Variants in CDH13 observed in about 807,000 individuals in gnomAD.
CDH13 encodes cadherin-13.
A neutral mutation model predicts 63.8 loss-of-function variants in CDH13; 24 were observed. The ratio of observed to expected loss-of-function variants is 0.38; its 90% CI spans 0.27 to 0.53. The LOEUF (loss-of-function observed/expected upper bound fraction) is 0.53, where lower values mean the gene tolerates loss of function less well. CDH13 is among the 20% of genes least tolerant of loss of function. The pLI, the probability that CDH13 is intolerant of heterozygous loss-of-function variation, is 0.85. For synonymous variants in CDH13, 503 were observed against 355.3 expected, an observed-to-expected ratio of 1.42 and a Z score of -4.67; for missense variants, 1,049 against 903.1, an observed-to-expected ratio of 1.16 and a Z score of -2.07.
At chr16:83,612,626 G>C (rs1303003453) in intron 8 of CDH13, among the ~76,000 whole-genome samples, 2 of 151,594 alleles carry the variant, frequency 1.3e-5, no homozygotes, top group Non-Finnish European at 2.9e-5. Context: ...ACATTTACTT[G>C]GGTTTTTTTA....
At chr16:83,586,053 A>T (rs191694625) in intron 7 of CDH13, among the ~76,000 whole-genome samples, 2 of 152,330 alleles carry the variant, frequency 1.3e-5, no homozygotes, top group African/African-American at 4.8e-5. Flanking sequence ...AAGGTAACCC[A>T]CCTAAAGGGT....
At chr16:83,348,888 A>G (rs777882818) in intron 6 of CDH13, among the ~76,000 whole-genome samples, 16 of 152,206 alleles carry the variant, frequency 1.1e-4, no homozygotes, top group Non-Finnish European at 1.8e-4. Context: ...TATTATTTTT[A>G]TTCTGGAAGA....
intron 2 of CDH13, among the ~76,000 whole-genome samples, chr16:83,031,388 GTATATACA>G (rs1430247757): frequency 2.2e-5 from 2 of 91,540 alleles, no homozygotes; most frequent in African/African-American, 1.0e-4. Flanking sequence ...ACACGTATAT[GTATATACA>G]TATACATGTA....
At chr16:82,956,573 C>T (rs1366815616) in intron 2 of CDH13, among the ~76,000 whole-genome samples, 1 of 152,104 alleles carries the variant, frequency 6.6e-6, no homozygotes, top group African/African-American at 2.4e-5. Flanking sequence ...CTTGGATCAT[C>T]ATTACCCCCG....
At chr16:83,716,463 C>G (rs576179206) in intron 10 of CDH13, among the ~76,000 whole-genome samples, 49 of 152,246 alleles carry the variant, frequency 3.2e-4, no homozygotes, top group African/African-American at 1.2e-3. Context: ...TCATTAATCC[C>G]CACTCTGCTG....
chr16:82,648,084 G>A (rs1035269385), intron 1 of CDH13, among the ~76,000 whole-genome samples: 1 of 152,158 alleles, frequency 6.6e-6, no homozygotes, highest in Non-Finnish European at 1.5e-5. Flanking sequence ...CACTGTGATT[G>A]TGAGGCCTCC....
At chr16:83,516,698 C>T (rs1056529632) in intron 7 of CDH13, among the ~76,000 whole-genome samples, 57 of 152,286 alleles carry the variant, frequency 3.7e-4, no homozygotes, top group African/African-American at 1.3e-3. Flanking sequence ...CTTCCAGGCA[C>T]AGTATTTAAA....
intron 3 of CDH13, among the ~76,000 whole-genome samples, chr16:83,122,386 A>T (rs2035621502): frequency 6.6e-6 from 1 of 152,222 alleles, no homozygotes; most frequent in African/African-American, 2.4e-5. Context: ...TTTTATTTAA[A>T]ATGATACAAA....
chr16:82,821,175 C>T (rs533192827), intron 1 of CDH13, among the ~76,000 whole-genome samples: 17 of 152,310 alleles, frequency 1.1e-4, no homozygotes, highest in Middle Eastern at 3.4e-3. Flanking sequence ...CAGTTCTCAT[C>T]TGACATTTTC....
chr16:83,242,812 A>G (rs1213302693), intron 5 of CDH13, among the ~76,000 whole-genome samples: 2 of 152,184 alleles, frequency 1.3e-5, no homozygotes, highest in Non-Finnish European at 2.9e-5. Flanking sequence ...GGCAATGTCC[A>G]CCTTTGGAGA....
chr16:83,089,639 C>T (rs1376529861), intron 3 of CDH13, among the ~76,000 whole-genome samples: 1 of 152,208 alleles, frequency 6.6e-6, no homozygotes, highest in East Asian at 1.9e-4. Context: ...TTAGGGAGCA[C>T]TCTTGGTTTC....
intron 2 of CDH13, among the ~76,000 whole-genome samples, chr16:82,878,203 G>C (rs947653054): frequency 6.6e-6 from 1 of 151,904 alleles, no homozygotes; most frequent in African/African-American, 2.4e-5. Flanking sequence ...AAGGATCTCA[G>C]GGTGGGTGGC....
intron 1 of CDH13, among the ~76,000 whole-genome samples, chr16:82,676,839 T>C (rs901484821): frequency 6.6e-6 from 1 of 151,730 alleles, no homozygotes; most frequent in African/African-American, 2.4e-5. Context: ...TGCACAAAGG[T>C]ATTTACACAG....
intron 7 of CDH13, among the ~76,000 whole-genome samples, chr16:83,599,315 G>A (rs185966614): frequency 4.9e-4 from 75 of 152,292 alleles, no homozygotes; most frequent in Admixed American, 2.5e-3. Context: ...TTGCTTCACC[G>A]CGCAATGTCA....
intron 1 of CDH13, among the ~76,000 whole-genome samples, chr16:82,768,194 TAA>T: frequency 6.6e-6 from 1 of 152,332 alleles, no homozygotes; most frequent in South Asian, 2.1e-4. Flanking sequence ...TTTTCTCAAC[TAA>T]ATTGCAAGCT....
At chr16:82,870,875 A>G (rs1008479500) in intron 2 of CDH13, among the ~76,000 whole-genome samples, 7 of 152,248 alleles carry the variant, frequency 4.6e-5, no homozygotes, top group African/African-American at 1.7e-4. Context: ...TGTCAGAAAC[A>G]GCATAGGGAT....
chr16:82,885,865 TTAATGA>T, intron 2 of CDH13, among the ~76,000 whole-genome samples: 1 of 152,146 alleles, frequency 6.6e-6, no homozygotes, highest in Non-Finnish European at 1.5e-5. Flanking sequence ...ATGTCAGGAT[TTAATGA>T]TATAATCCAT....
At chr16:82,954,953 G>C (rs1041125281) in intron 2 of CDH13, among the ~76,000 whole-genome samples, 1 of 152,132 alleles carries the variant, frequency 6.6e-6, no homozygotes, top group South Asian at 2.1e-4. Flanking sequence ...CTGTTGTAGC[G>C]TGTATCAATA....
At chr16:83,694,938 G>T (rs905329295) in intron 10 of CDH13, among the ~76,000 whole-genome samples, 3 of 152,192 alleles carry the variant, frequency 2.0e-5, no homozygotes, top group South Asian at 2.1e-4. Context: ...CAGGCACGGT[G>T]GTTCACGCCT....
Sources: allele counts gnomAD v4.1 joint callset (sites outside exome capture counted in the v4.1 genomes callset), GRCh38; gene constraint gnomAD v4.1.1; transcripts MANE v1.5; gene names NCBI Gene and HGNC (gene_info 2026-07-23, HGNC 2026-07-21).